LRRC4C: variants seen among roughly 807,000 people sequenced by gnomAD.
The protein encoded by LRRC4C is leucine rich repeat containing 4C.
In LRRC4C, 5 loss-of-function variants were observed where a neutral mutation model predicts 33.6. The ratio of observed to expected loss-of-function variants is 0.15; its 90% confidence interval spans 0.08 to 0.31. The LOEUF (loss-of-function observed/expected upper bound fraction) is 0.31, where lower values mean the gene tolerates loss of function less well. Ranked by LOEUF, LRRC4C falls within the 10% of genes least tolerant of loss-of-function variation. The pLI is 1.00. For missense variants in LRRC4C, 560 were observed against 796.7 expected (o/e 0.70, Z 3.58); for synonymous variants, 329 against 302.0 (o/e 1.09, Z -0.93).
At chr11:41,430,248 A>G (rs2138413621) in intron 1 of LRRC4C, among the ~76,000 whole-genome samples, 1 of 152,302 alleles carries the variant, frequency 6.6e-6, no homozygotes, top group East Asian at 1.9e-4. Context: ...ACTATTTTTA[A>G]TGCATTACCT....
At chr11:40,509,009 C>T (rs79117807) in intron 3 of LRRC4C, among the ~76,000 whole-genome samples, 14,336 of 152,080 alleles carry the variant, frequency 0.094, 799 homozygotes, top group Middle Eastern at 0.15. Flanking sequence ...TTGAAGCCAA[C>T]GAGGAAATAT....
At chr11:40,179,297 C>G (rs1012331533) in intron 5 of LRRC4C, among the ~76,000 whole-genome samples, 7 of 152,110 alleles carry the variant, frequency 4.6e-5, no homozygotes, top group Admixed American at 3.3e-4. Context: ...AGCCACCACA[C>G]CCAGCTGGTC....
intron 1 of LRRC4C, among the ~76,000 whole-genome samples, chr11:41,357,475 G>A (rs2137633971): frequency 6.6e-6 from 1 of 152,044 alleles, no homozygotes; most frequent in South Asian, 2.1e-4. Context: ...TCATTTTCTT[G>A]TCTCAATGTT....
rs564221767 is a variant in LRRC4C, at chr11:40,688,993, C to T, written c.-406-40715G>A. Among the ~76,000 whole-genome samples the T allele has an allele frequency of 2.0e-5, 3 of 152,058 alleles. No individual in the cohort carries two copies. In the South Asian group the frequency reaches 6.2e-4, roughly 32 times the overall value. On this transcript the variant is annotated intron_variant, in intron 2 of 6. Coordinates refer to ENST00000528697, the MANE Select transcript of LRRC4C (RefSeq NM_001258419.2). ...TTGAAATTTTTCACCTAAGGCTATT[C>T]CAGTTGGAAAACAGCGGATGAGGAT...
At chr11:41,298,298 G>T (rs1272343142) in intron 1 of LRRC4C, among the ~76,000 whole-genome samples, 1 of 152,118 alleles carries the variant, frequency 6.6e-6, no homozygotes. Flanking sequence ...CTCTCTCCTA[G>T]CAAGGCCTTG....
chr11:40,326,835 T>C (rs1392544758), intron 3 of LRRC4C, among the ~76,000 whole-genome samples: 1 of 152,132 alleles, frequency 6.6e-6, no homozygotes, highest in African/African-American at 2.4e-5. Flanking sequence ...TTTTTAAAGA[T>C]GATAATAACC....
intron 3 of LRRC4C, among the ~76,000 whole-genome samples, chr11:40,587,287 G>T (rs1289838907): frequency 1.4e-5 from 2 of 140,966 alleles, no homozygotes; most frequent in African/African-American, 5.3e-5. Context: ...GTCTGTTGTT[G>T]GTGTATAAGA....
intron 4 of LRRC4C, among the ~76,000 whole-genome samples, chr11:40,278,918 T>C (rs1452913393): frequency 6.6e-6 from 1 of 152,150 alleles, no homozygotes; most frequent in Non-Finnish European, 1.5e-5. Flanking sequence ...AGTAGAAATA[T>C]GACATAAGCT....
chr11:40,761,993 A>T (rs1949239067), intron 2 of LRRC4C, among the ~76,000 whole-genome samples: 1 of 152,180 alleles, frequency 6.6e-6, no homozygotes, highest in South Asian at 2.1e-4. Flanking sequence ...CCAATAAGGT[A>T]CTCAAAAATA....
rs549082818 is a variant in LRRC4C, at chr11:40,941,959, G to A, written c.-495-8236C>T. 1.1e-4 allele frequency among the ~76,000 whole-genome samples: 16 copies of A among 152,190 alleles called. No homozygotes were observed. In the East Asian group the frequency reaches 3.1e-3, roughly 29 times the overall value. On this transcript the variant is annotated intron_variant, in intron 1 of 6. Coordinates refer to ENST00000528697, the MANE Select transcript of LRRC4C (RefSeq NM_001258419.2). ...CATCAAGAAGCAGGCACTGAGACAGGGTTAGACACACAATAAATTTATTGG... is the reference window on the plus strand; with the variant it reads ...CATCAAGAAGCAGGCACTGAGACAGAGTTAGACACACAATAAATTTATTGG...
chr11:41,427,082 A>G (rs1228196186), intron 1 of LRRC4C, among the ~76,000 whole-genome samples: 1 of 152,186 alleles, frequency 6.6e-6, no homozygotes, highest in Non-Finnish European at 1.5e-5. Flanking sequence ...GAAATGGTAT[A>G]GATGTACAGG....
chr11:41,454,231 G>A (rs1411444821), intron 1 of LRRC4C, among the ~76,000 whole-genome samples: 1 of 152,058 alleles, frequency 6.6e-6, no homozygotes, highest in Non-Finnish European at 1.5e-5. Flanking sequence ...GTAAGAACAA[G>A]GCTTTTTACA....
intron 1 of LRRC4C, among the ~76,000 whole-genome samples, chr11:41,458,414 G>C (rs1246677978): frequency 6.6e-6 from 1 of 152,044 alleles, no homozygotes; most frequent in Admixed American, 6.6e-5. Context: ...CCAATGCAGA[G>C]ATAAAAATAC....
chr11:40,730,451 C>T (rs1947507916), intron 2 of LRRC4C, among the ~76,000 whole-genome samples: 1 of 152,082 alleles, frequency 6.6e-6, no homozygotes, highest in Non-Finnish European at 1.5e-5. Context: ...CATAGAGATA[C>T]AGGTTTAAAG....
chr11:40,871,553 G>A (rs796400274), intron 2 of LRRC4C, among the ~76,000 whole-genome samples: 5 of 152,184 alleles, frequency 3.3e-5, no homozygotes, highest in African/African-American at 1.2e-4. Flanking sequence ...GTCACAGCTT[G>A]AATGATTACA....
chr11:40,265,489 T>C (rs1848609079), intron 4 of LRRC4C, among the ~76,000 whole-genome samples: 1 of 152,228 alleles, frequency 6.6e-6, no homozygotes, highest in South Asian at 2.1e-4. Flanking sequence ...TTATCTCTTT[T>C]GCAACCCCAA....
At chr11:41,137,473 A>G (rs978642896) in intron 1 of LRRC4C, among the ~76,000 whole-genome samples, 1 of 152,150 alleles carries the variant, frequency 6.6e-6, no homozygotes, top group African/African-American at 2.4e-5. Context: ...ATGGTATGAA[A>G]ACTGTTTTCT....
rs192333291 is a variant in LRRC4C at position 41,339,647 on chromosome 11, A to G, written c.-496+119784T>C. On this transcript the variant is annotated intron_variant, in intron 1 of 6. Coordinates refer to ENST00000528697, the MANE Select transcript of LRRC4C (RefSeq NM_001258419.2). ...TAAAATGCTACCATGACTCAAACGC[A>G]TTTAAAAAAATTACATCCAATTTAT... 1.4e-4 allele frequency among the ~76,000 whole-genome samples: 22 copies of G among 152,184 alleles called. No homozygotes were observed. In the East Asian group the frequency reaches 3.7e-3, roughly 25 times the overall value.
At chr11:40,497,336 G>A (rs1242844972) in intron 3 of LRRC4C, among the ~76,000 whole-genome samples, 1 of 151,834 alleles carries the variant, frequency 6.6e-6, no homozygotes, top group Non-Finnish European at 1.5e-5. Context: ...TCTGGGAGGC[G>A]GAGGTTGCAG....
Sources: gnomAD v4.1 joint callset for allele counts (sites outside exome capture counted in the v4.1 genomes callset) on GRCh38, gnomAD v4.1.1 for gene constraint, MANE v1.5 for transcripts, NCBI Gene and HGNC (gene_info 2026-07-23, HGNC 2026-07-21) for gene names.